The following OLFM3 variants were observed in gnomAD, a reference collection of about 807,000 sequenced individuals.
The protein encoded by OLFM3 is noelin-3.
In OLFM3, 20 loss-of-function variants were observed where a neutral mutation model predicts 48.6. The observed-to-expected ratio is 0.41, with a 90% CI of 0.29 to 0.60. The LOEUF (loss-of-function observed/expected upper bound fraction) is 0.60, where lower values mean the gene tolerates loss of function less well. Ranked by LOEUF, OLFM3 falls within the 20% of genes least tolerant of loss-of-function variation. The pLI is 0.28. For missense variants in OLFM3, 437 were observed against 544.3 expected, an observed-to-expected ratio of 0.80 and a Z score of 1.96; for synonymous variants, 222 against 198.1, an observed-to-expected ratio of 1.12 and a Z score of -1.01.
At chr1:101,887,328 G>A (rs573236738) in intron 1 of OLFM3, among the ~76,000 whole-genome samples, 37 of 151,792 alleles carry the variant, frequency 2.4e-4, no homozygotes, top group African/African-American at 8.4e-4. Context: ...AAAATGTTAA[G>A]AATGTTTAAT....
intron 3 of OLFM3, 95 bp downstream of exon 3, chr1:101,830,577 G>T: frequency 7.7e-7 from 1 of 1,300,484 alleles, no homozygotes; most frequent in Non-Finnish European, 1.1e-6. Flanking sequence ...GCACATATGG[G>T]CCAATGCACA....
chr1:101,954,904 T>C (rs1214682107), intron 1 of OLFM3, among the ~76,000 whole-genome samples: 1 of 152,076 alleles, frequency 6.6e-6, no homozygotes, highest in African/African-American at 2.4e-5. Flanking sequence ...ATGCTTTGGG[T>C]CAAAATACAC....
At chr1:101,927,508 C>G (rs376445594) in intron 1 of OLFM3, among the ~76,000 whole-genome samples, 3 of 151,810 alleles carry the variant, frequency 2.0e-5, no homozygotes. Flanking sequence ...TTAAAGCTAG[C>G]AGCACTATGG....
chr1:101,947,832 T>G (rs907863575), intron 1 of OLFM3, among the ~76,000 whole-genome samples: 1 of 152,182 alleles, frequency 6.6e-6, no homozygotes, highest in Non-Finnish European at 1.5e-5. Flanking sequence ...TAATAATAGC[T>G]GCTAACTTAT....
intron 1 of OLFM3, among the ~76,000 whole-genome samples, chr1:101,906,751 A>T (rs1320393239): frequency 6.6e-6 from 1 of 152,182 alleles, no homozygotes; most frequent in Non-Finnish European, 1.5e-5. Flanking sequence ...TACTACAATC[A>T]TTTGGAAATC....
At chr1:101,976,902 T>A (rs1043541829) in intron 1 of OLFM3, among the ~76,000 whole-genome samples, 1 of 152,202 alleles carries the variant, frequency 6.6e-6, no homozygotes, top group Admixed American at 6.5e-5. Context: ...GGTTTGATAG[T>A]AAGGTATATT....
intron 1 of OLFM3, among the ~76,000 whole-genome samples, chr1:101,995,182 T>A (rs891552235): frequency 1.3e-5 from 2 of 152,220 alleles, no homozygotes; most frequent in African/African-American, 4.8e-5. Flanking sequence ...TTAAGTCAAG[T>A]GACTTTTTCT....
chr1:101,900,852 A>G (rs987641367), intron 1 of OLFM3, among the ~76,000 whole-genome samples: 1 of 152,132 alleles, frequency 6.6e-6, no homozygotes, highest in Non-Finnish European at 1.5e-5. Flanking sequence ...ACATCCTAAA[A>G]TATTAACTTT....
intron 1 of OLFM3, among the ~76,000 whole-genome samples, chr1:101,925,682 CTAAT>C (rs1659249809): frequency 7.1e-6 from 1 of 141,276 alleles, no homozygotes; most frequent in Non-Finnish European, 1.5e-5. Flanking sequence ...CCACTCCCGG[CTAAT>C]TAATTAATTC....
chr1:101,919,471 C>T (rs563520395), intron 1 of OLFM3, among the ~76,000 whole-genome samples: 14 of 152,284 alleles, frequency 9.2e-5, no homozygotes, highest in African/African-American at 3.4e-4. Context: ...TTTTACTGGA[C>T]CTCTCAGTAG....
chr1:101,955,174 AAG>A (rs1479620902), intron 1 of OLFM3, among the ~76,000 whole-genome samples: 1 of 151,984 alleles, frequency 6.6e-6, no homozygotes, highest in Admixed American at 6.6e-5. Context: ...TGGAGATCCA[AAG>A]AGGAAAAAGA....
At chr1:101,895,251 A>T (rs1057327148) in intron 1 of OLFM3, among the ~76,000 whole-genome samples, 2 of 151,852 alleles carry the variant, frequency 1.3e-5, no homozygotes, top group Admixed American at 6.6e-5. Context: ...TTTACAATTC[A>T]TTGTCTTTTT....
At chr1:101,903,466 T>G (rs1319216813) in intron 1 of OLFM3, among the ~76,000 whole-genome samples, 1 of 152,098 alleles carries the variant, frequency 6.6e-6, no homozygotes, top group East Asian at 1.9e-4. Context: ...TTGGGGTTGC[T>G]GCAGTCATGG....
At chr1:101,935,830 A>G (rs1659596066) in intron 1 of OLFM3, among the ~76,000 whole-genome samples, 1 of 152,218 alleles carries the variant, frequency 6.6e-6, no homozygotes, top group African/African-American at 2.4e-5. Context: ...ACACAAATCC[A>G]TAAATGTGAT....
At chr1:101,881,010 A>C (rs79886932) in intron 1 of OLFM3, among the ~76,000 whole-genome samples, 1 of 151,876 alleles carries the variant, frequency 6.6e-6, no homozygotes, top group African/African-American at 2.4e-5. Context: ...TAAAATATGC[A>C]AGTCTTCAGG....
At chr1:101,869,316 C>A (rs1234879498) in intron 1 of OLFM3, among the ~76,000 whole-genome samples, 1 of 152,188 alleles carries the variant, frequency 6.6e-6, no homozygotes, top group Non-Finnish European at 1.5e-5. Context: ...TTAGTGTCCC[C>A]TGGATGTGAA....
intron 1 of OLFM3, among the ~76,000 whole-genome samples, chr1:101,962,159 T>C (rs1210085752): frequency 6.6e-6 from 1 of 152,078 alleles, no homozygotes; most frequent in Admixed American, 6.6e-5. Context: ...GGGAGTTCAG[T>C]GTTGTAAAAA....
intron 1 of OLFM3, among the ~76,000 whole-genome samples, chr1:101,934,071 T>A (rs772211090): frequency 6.6e-6 from 1 of 152,174 alleles, no homozygotes. Flanking sequence ...GTCTGCATAA[T>A]AACCAGTTAA....
At chr1:101,883,341 A>G (rs1657611483) in intron 1 of OLFM3, among the ~76,000 whole-genome samples, 1 of 150,766 alleles carries the variant, frequency 6.6e-6, no homozygotes, top group Admixed American at 6.6e-5. Context: ...TACTCTATAT[A>G]TACACACACA....
Sources: allele counts gnomAD v4.1 joint callset (sites outside exome capture counted in the v4.1 genomes callset), GRCh38; gene constraint gnomAD v4.1.1; transcripts MANE v1.5; gene names NCBI Gene and HGNC (gene_info 2026-07-23, HGNC 2026-07-21).